EYS: variants seen among roughly 807,000 people sequenced by gnomAD.
EYS encodes the protein EGF-like photoreceptor maintenance factor.
In EYS, 250 loss-of-function variants were observed where a neutral mutation model predicts 282.1. That is an observed-to-expected ratio of 0.89 (90% confidence interval 0.80 to 0.98). The LOEUF is 0.98. Among genes scored for constraint, EYS ranks in the 50% least tolerant of loss-of-function variants. The pLI is 0.00. For synonymous variants in EYS, 1,355 were observed against 1,282.9 expected (o/e 1.06, Z -1.20); for missense variants, 4,016 against 3,709.0 (o/e 1.08, Z -2.15).
chr6:64,437,539 T>A (rs926201254), intron 27 of EYS, among the ~76,000 whole-genome samples: 1 of 151,744 alleles, frequency 6.6e-6, no homozygotes, highest in Non-Finnish European at 1.5e-5. Flanking sequence ...TACTTGGAAG[T>A]TTTGAGACTT....
intron 31 of EYS, among the ~76,000 whole-genome samples, chr6:64,185,979 G>T (rs764400054): frequency 8.5e-5 from 13 of 152,220 alleles, no homozygotes; most frequent in Non-Finnish European, 1.9e-4. Flanking sequence ...GGGCTAAAAA[G>T]CATCATTGTG....
At chr6:64,121,481 A>G (rs1773587208) in intron 31 of EYS, among the ~76,000 whole-genome samples, 1 of 152,238 alleles carries the variant, frequency 6.6e-6, no homozygotes, top group Admixed American at 6.5e-5. Flanking sequence ...CAGCTGTCTA[A>G]TTTAAAAGCT....
chr6:64,820,440 C>A (rs1764867363), intron 21 of EYS, among the ~76,000 whole-genome samples: 1 of 152,090 alleles, frequency 6.6e-6, no homozygotes, highest in African/African-American at 2.4e-5. Context: ...GACATTACTT[C>A]AGGCAATATT....
chr6:64,652,409 C>T (rs925631464), intron 22 of EYS, among the ~76,000 whole-genome samples: 1 of 152,114 alleles, frequency 6.6e-6, no homozygotes, highest in Non-Finnish European at 1.5e-5. Context: ...AAGGACCTAA[C>T]GATGCATCTA....
intron 14 of EYS, among the ~76,000 whole-genome samples, chr6:64,946,551 A>C (rs1769293908): frequency 6.6e-6 from 1 of 151,972 alleles, no homozygotes; most frequent in South Asian, 2.1e-4. Flanking sequence ...TATATGAAAA[A>C]TATTTTTGAA....
chr6:65,513,121 C>T (rs2127291537), intron 2 of EYS, among the ~76,000 whole-genome samples: 1 of 152,162 alleles, frequency 6.6e-6, no homozygotes, highest in Middle Eastern at 3.4e-3. Flanking sequence ...ACCACCAATC[C>T]CACACAAATA....
rs776767759 is a variant in EYS, at chr6:63,957,208, G to A, written c.7055+27175C>T. Among the ~76,000 whole-genome samples, 3 of 100,670 alleles carry A rather than the reference G, an allele frequency of 3.0e-5. 1 individual carries two copies. Among genetic ancestry groups the A allele is most frequent in the Non-Finnish European group, 7.8e-5 (3 of 38,442 alleles). 66.0% of individuals were successfully genotyped at this position (100,670 alleles called of 152,430 possible). ...ATAACACTTCCACACTACATTTATG[G>A]GCTATTTTAAACAGTGAAATTACCA... On this transcript the variant is annotated intron_variant, in intron 35 of 42. Coordinates refer to ENST00000503581, the MANE Select transcript of EYS (RefSeq NM_001142800.2).
At chr6:63,826,690 T>C (rs1771469787) in intron 36 of EYS, among the ~76,000 whole-genome samples, 1 of 152,064 alleles carries the variant, frequency 6.6e-6, no homozygotes, top group African/African-American at 2.4e-5. Flanking sequence ...GACAAACAAA[T>C]GCTGAGAGAA....
At chr6:64,873,619 A>T (rs1036032684) in intron 19 of EYS, among the ~76,000 whole-genome samples, 1 of 152,104 alleles carries the variant, frequency 6.6e-6, no homozygotes, top group African/African-American at 2.4e-5. Context: ...GACTTATCAC[A>T]TTTTATGGGT....
chr6:64,501,688 G>A (rs1301243586), intron 26 of EYS, among the ~76,000 whole-genome samples: 6 of 152,096 alleles, frequency 3.9e-5, no homozygotes, highest in East Asian at 1.9e-4. Flanking sequence ...TTTTAAGGAC[G>A]TAAAACCAGA....
chr6:64,073,833 G>A (rs974515560), intron 32 of EYS, among the ~76,000 whole-genome samples: 1 of 151,512 alleles, frequency 6.6e-6, no homozygotes, highest in African/African-American at 2.4e-5. Context: ...GGCAGTGTCT[G>A]GAACATTTCC....
At chr6:64,754,160 T>C (rs1042019654) in intron 22 of EYS, among the ~76,000 whole-genome samples, 8 of 151,944 alleles carry the variant, frequency 5.3e-5, no homozygotes, top group South Asian at 2.1e-4. Context: ...GATACAAAGT[T>C]CAAAAATTAA....
chr6:63,784,285 G>A (rs1055211953), intron 39 of EYS, among the ~76,000 whole-genome samples: 3 of 151,996 alleles, frequency 2.0e-5, no homozygotes, highest in Non-Finnish European at 4.4e-5. Flanking sequence ...CTCTCTCTGT[G>A]CACACCTGAT....
chr6:63,935,126 C>G lies in EYS; in HGVS notation c.7055+49257G>C, dbSNP rs147540569. On this transcript the variant is annotated intron_variant, in intron 35 of 42. Transcript: ENST00000503581. ...ATGGAAATTTTTCCAGAGTGTAACA[C>G]ACATGATTTTTGAGTAGTTTTTCTG... 9.6e-3 allele frequency among the ~76,000 whole-genome samples: 1,469 copies of G among 152,252 alleles called. 25 individuals carry two copies. Among genetic ancestry groups the G allele is most frequent in the African/African-American group, 0.033 (1,359 of 41,536 alleles).
chr6:64,756,927 T>C (rs911392678), intron 22 of EYS, among the ~76,000 whole-genome samples: 16 of 151,762 alleles, frequency 1.1e-4, no homozygotes, highest in Admixed American at 2.0e-4. Context: ...CCTGATGAAG[T>C]TTTCTAGGGA....
intron 7 of EYS, among the ~76,000 whole-genome samples, chr6:65,386,980 G>T (rs915958766): frequency 1.3e-5 from 2 of 149,926 alleles, no homozygotes; most frequent in African/African-American, 2.4e-5. Context: ...GATCTGTGAA[G>T]ATACATGAAA....
At chr6:65,495,719 G>C (rs1329519070) in intron 3 of EYS, 112 bp from the exon 4 acceptor site, 4 of 391,368 alleles carry the variant, frequency 1.0e-5, no homozygotes, top group Non-Finnish European at 1.9e-5. Context: ...CAAAGATAGT[G>C]TCACCAGCAG....
chr6:64,672,199 C>A (rs1175090781), intron 22 of EYS, among the ~76,000 whole-genome samples: 1 of 152,162 alleles, frequency 6.6e-6, no homozygotes, highest in Non-Finnish European at 1.5e-5. Context: ...TCTCTGATTA[C>A]CCACTCCCTG....
At chr6:64,620,031 T>C (rs1157462136) in intron 23 of EYS, among the ~76,000 whole-genome samples, 1 of 152,042 alleles carries the variant, frequency 6.6e-6, no homozygotes, top group Non-Finnish European at 1.5e-5. Context: ...CAAACAAGGA[T>C]AGAAAATAAA....
Sources: allele counts gnomAD v4.1 joint callset (sites outside exome capture counted in the v4.1 genomes callset), GRCh38; gene constraint gnomAD v4.1.1; transcripts MANE v1.5; gene names NCBI Gene and HGNC (gene_info 2026-07-23, HGNC 2026-07-21).